The following PLCE1 variants were observed in gnomAD, a reference collection of about 807,000 sequenced individuals.
The protein encoded by PLCE1 is 1-phosphatidylinositol 4,5-bisphosphate phosphodiesterase epsilon-1.
A neutral mutation model predicts 242.8 loss-of-function variants in PLCE1; 119 were observed. The ratio of observed to expected loss-of-function variants is 0.49; its 90% confidence interval spans 0.42 to 0.57. The LOEUF (loss-of-function observed/expected upper bound fraction) is 0.57. Among genes scored for constraint, PLCE1 ranks in the 20% least tolerant of loss-of-function variants. The probability of loss-of-function intolerance (pLI) is 0.00; values close to 1 mark genes in which losing one functional copy is unlikely to be tolerated. For missense variants in PLCE1, 2,441 were observed against 2,788.8 expected, an observed-to-expected ratio of 0.88 and a Z score of 2.81; for synonymous variants, 945 against 1,017.4, an observed-to-expected ratio of 0.93 and a Z score of 1.35.
chr10:94,070,686 T>C (rs1411303222), intron 2 of PLCE1, among the ~76,000 whole-genome samples: 2 of 152,236 alleles, frequency 1.3e-5, no homozygotes, highest in Non-Finnish European at 2.9e-5. Context: ...CTCTATACAT[T>C]GAACACTTTT....
chr10:94,083,432 T>A (rs370330956), intron 2 of PLCE1, among the ~76,000 whole-genome samples: 13 of 152,064 alleles, frequency 8.5e-5, no homozygotes, highest in African/African-American at 2.7e-4. Context: ...TAAACAACTC[T>A]ATAAAGGAGG....
intron 4 of PLCE1, among the ~76,000 whole-genome samples, chr10:94,223,342 A>C (rs1258349443): frequency 6.6e-6 from 1 of 152,024 alleles, no homozygotes; most frequent in East Asian, 1.9e-4. Context: ...TTACCTCCCT[A>C]AAAGGAGGGA....
intron 3 of PLCE1, among the ~76,000 whole-genome samples, chr10:94,149,753 C>A (rs1040311709): frequency 6.6e-6 from 1 of 152,080 alleles, no homozygotes; most frequent in African/African-American, 2.4e-5. Context: ...TTCTCTTTGG[C>A]GCCCAGAGTC....
Position 94,269,020 on chromosome 10 carries a change from C to A in PLCE1, c.4373C>A (p.Thr1458Asn), listed in dbSNP as rs1330951857. 2 of 1,583,260 alleles carry A rather than the reference C, an allele frequency of 1.3e-6. No individual in the cohort carries two copies. Among genetic ancestry groups the A allele is most frequent in the Non-Finnish European group, 1.7e-6 (2 of 1,153,368 alleles). ...PIIYHGHTLT[T>N]KIPFKEVVEA... ...ATTTATCATGGACATACGCTGACAA[C>A]CAAGATCCCCTTCAAGGTAATCCTT... is the stretch of plus-strand genomic sequence containing the variant. The change falls in exon 17 of 33, where the codon ACC (threonine) becomes AAC (asparagine). Residue 1458 changes from threonine to asparagine, a missense_variant. Coordinates refer to ENST00000371380, the MANE Select transcript of PLCE1 (RefSeq NM_016341.4).
chr10:94,163,430 T>A (rs1412243616), intron 3 of PLCE1, among the ~76,000 whole-genome samples: 1 of 152,210 alleles, frequency 6.6e-6, no homozygotes, highest in Non-Finnish European at 1.5e-5. Context: ...TTGTCTCCTT[T>A]GATCTTTGTT....
At chr10:94,050,666 T>G (rs2043738519) in intron 2 of PLCE1, among the ~76,000 whole-genome samples, 1 of 151,952 alleles carries the variant, frequency 6.6e-6, no homozygotes, top group Non-Finnish European at 1.5e-5. Flanking sequence ...GAACTATAAG[T>G]GTAATACTTG....
At chr10:94,119,522 C>T (rs893554736) in intron 2 of PLCE1, among the ~76,000 whole-genome samples, 4 of 152,148 alleles carry the variant, frequency 2.6e-5, no homozygotes, top group African/African-American at 7.2e-5. Flanking sequence ...CATAGGAAAA[C>T]TATTTTGCAT....
rs1381819726 is a variant in PLCE1 at position 94,273,740 on chromosome 10, C to T, written c.4665+20C>T. On this transcript the variant is annotated intron_variant, in intron 19 of 32. Coordinates refer to ENST00000371380, the MANE Select transcript of PLCE1 (RefSeq NM_016341.4). ...CAAAAGGTACTCCCCTCTGTTAAAC[C>T]AGTTATGAAAAGGCAGTGTGCCTAG... 6.2e-7 allele frequency: 1 copy of T among 1,610,606 alleles called. No homozygotes were observed. The highest frequency in any genetic ancestry group is 1.3e-5 in the African/African-American group (1 of 74,970).
intron 4 of PLCE1, among the ~76,000 whole-genome samples, chr10:94,220,376 TTATATA>T (rs59633337): frequency 0.031 from 1,892 of 61,810 alleles, 39 homozygotes; most frequent in East Asian, 0.047. Context: ...ACTAAACATT[TTATATA>T]TATATATATA....
intron 1 of PLCE1, among the ~76,000 whole-genome samples, chr10:93,995,764 G>A (rs2134128957): frequency 6.6e-6 from 1 of 152,326 alleles, no homozygotes; most frequent in African/African-American, 2.4e-5. Context: ...TTGAACTGGA[G>A]GGACATTCTT....
intron 29 of PLCE1, among the ~76,000 whole-genome samples, chr10:94,318,619 G>A (rs2053658968): frequency 6.6e-6 from 1 of 152,148 alleles, no homozygotes; most frequent in Admixed American, 6.5e-5. Flanking sequence ...CCATCCTTGT[G>A]GATCACCCAC....
chr10:94,322,523 G>A (rs774755421), intron 30 of PLCE1, among the ~76,000 whole-genome samples: 1 of 152,070 alleles, frequency 6.6e-6, no homozygotes, highest in South Asian at 2.1e-4. Context: ...GGGGGTTCAC[G>A]CCTGTAATCC....
intron 3 of PLCE1, among the ~76,000 whole-genome samples, chr10:94,154,831 G>A (rs2047378587): frequency 6.6e-6 from 1 of 150,896 alleles, no homozygotes; most frequent in South Asian, 2.1e-4. Context: ...TTGAGGCCAG[G>A]AGTTCAAGCC....
At chr10:94,310,316 C>A (rs1489053082) in intron 27 of PLCE1, among the ~76,000 whole-genome samples, 1 of 152,156 alleles carries the variant, frequency 6.6e-6, no homozygotes, top group Non-Finnish European at 1.5e-5. Flanking sequence ...GCTGTCCCTG[C>A]CCTTGTTTGC....
intron 3 of PLCE1, among the ~76,000 whole-genome samples, chr10:94,160,105 A>G (rs1028348515): frequency 6.6e-5 from 10 of 152,228 alleles, no homozygotes; most frequent in Non-Finnish European, 1.0e-4. Context: ...TTATAGCAGC[A>G]TGATTTATAA....
At position 94,306,512 on chromosome 10, in the gene PLCE1, G is replaced by A. The variant is rs777216538; in HGVS notation, c.5708G>A (p.Ser1903Asn). ...EVDVLGMPLD[S>N]CHFRTKPIHR... ...GACGTCCTGGGCATGCCTCTGGACA[G>A]CTGCCATTTCCGCACAAAGCCCATC... Residue 1903 changes from serine to asparagine, a missense_variant, in exon 26 of 33, where the codon AGC (serine) becomes AAC (asparagine). By Grantham distance (46) the Ser-to-Asn change is conservative. Transcript: ENST00000371380. The surrounding 1 kb of genome is among the most constrained non-coding windows in gnomAD (Gnocchi z 5.7). 1 of 1,614,142 alleles carries A rather than the reference G, an allele frequency of 6.2e-7. No homozygotes were observed. The highest frequency in any genetic ancestry group is 8.5e-7 in the Non-Finnish European group (1 of 1,180,008).
intron 3 of PLCE1, among the ~76,000 whole-genome samples, chr10:94,161,382 G>T (rs1447875224): frequency 1.3e-5 from 2 of 152,158 alleles, no homozygotes; most frequent in South Asian, 2.1e-4. Flanking sequence ...CACATCCCTT[G>T]TAAGTTGGAT....
At chr10:94,163,998 G>A (rs1422065261) in intron 3 of PLCE1, among the ~76,000 whole-genome samples, 1 of 152,212 alleles carries the variant, frequency 6.6e-6, no homozygotes, top group African/African-American at 2.4e-5. Flanking sequence ...CTTCTGGCTT[G>A]TAGAGTTTCT....
chr10:94,099,937 T>A (rs2045462249), intron 2 of PLCE1: 1 of 152,108 alleles, frequency 6.6e-6, no homozygotes, highest in African/African-American at 2.4e-5. Context: ...CCAGTGAGGG[T>A]TTAATGGTCA....
Sources: gnomAD v4.1 joint callset for allele counts (sites outside exome capture counted in the v4.1 genomes callset) on GRCh38, gnomAD v4.1.1 for gene constraint, Gnocchi (gnomAD v3.1) non-coding constraint, MANE v1.5 for transcripts, NCBI Gene and HGNC (gene_info 2026-07-23, HGNC 2026-07-21) for gene names.